Variants in TMEM266 observed in about 807,000 individuals in gnomAD.
The protein encoded by TMEM266 is transmembrane protein 266.
A neutral mutation model predicts 50.5 loss-of-function variants in TMEM266; 33 were observed. The observed-to-expected ratio is 0.65, with a 90% CI of 0.50 to 0.87. The LOEUF (loss-of-function observed/expected upper bound fraction) is 0.87. Ranked by LOEUF, TMEM266 falls within the 40% of genes least tolerant of loss-of-function variation. TMEM266 has a pLI of 0.00. For synonymous variants in TMEM266, 310 were observed against 292.3 expected (o/e 1.06, Z -0.62); for missense variants, 655 against 695.1 (o/e 0.94, Z 0.65).
At chr15:76,134,655 AT>A (rs2037563413) in intron 2 of TMEM266, among the ~76,000 whole-genome samples, 2 of 152,172 alleles carry the variant, frequency 1.3e-5, no homozygotes, top group South Asian at 4.1e-4. Flanking sequence ...GTGGTCACTT[AT>A]TTTGTGTTTT....
chr15:76,202,336 C>T (rs930165004), intron 10 of TMEM266, 72 bp downstream of exon 10: 1 of 1,412,084 alleles, frequency 7.1e-7, no homozygotes, highest in Admixed American at 1.9e-5. Context: ...ACAACTCGGC[C>T]TGGCTTCAAA....
intron 3 of TMEM266, among the ~76,000 whole-genome samples, chr15:76,145,325 G>A (rs540137787): frequency 1.6e-4 from 24 of 152,092 alleles, no homozygotes; most frequent in Non-Finnish European, 2.6e-4. Flanking sequence ...TTCCTGCTGC[G>A]ACAGGAACCA....
intron 9 of TMEM266, among the ~76,000 whole-genome samples, chr15:76,193,326 T>G (rs1437200022): frequency 6.6e-6 from 1 of 152,130 alleles, no homozygotes; most frequent in East Asian, 1.9e-4. Context: ...GCTCAAGTGA[T>G]CCTCCCACCT....
At chr15:76,079,657 G>A (rs1457913051) in intron 1 of TMEM266, among the ~76,000 whole-genome samples, 3 of 147,828 alleles carry the variant, frequency 2.0e-5, no homozygotes, top group East Asian at 2.0e-4. Context: ...GCTTGGTGGT[G>A]TGTGCCTGTA....
At chr15:76,182,081 G>A (rs1424177305) in intron 8 of TMEM266, among the ~76,000 whole-genome samples, 3 of 152,208 alleles carry the variant, frequency 2.0e-5, no homozygotes, top group African/African-American at 7.2e-5. Context: ...AGTGGGACCT[G>A]TGAGCCCCTT....
chr15:76,110,584 A>G (rs116272960), intron 1 of TMEM266, among the ~76,000 whole-genome samples: 3,098 of 152,296 alleles, frequency 0.02, 102 homozygotes, highest in African/African-American at 0.072. Context: ...GCCCATAGAC[A>G]TGGACTGCCA....
intron 9 of TMEM266, among the ~76,000 whole-genome samples, chr15:76,200,053 C>T (rs984312622): frequency 1.3e-5 from 2 of 152,128 alleles, no homozygotes; most frequent in Non-Finnish European, 2.9e-5. Flanking sequence ...CAGGAGTTGA[C>T]GTCCCTGGAA....
rs111779333 is a variant in TMEM266 at position 76,130,698 on chromosome 15, C to A, written c.-96-3470C>A. On this transcript the variant is annotated intron_variant, in intron 1 of 10. Transcript: ENST00000388942. ...AACAGTCATGAGTGGTGGAGACAGG[C>A]AGGGATACAGAGAAAAGATTGCCCA... 7.4e-3 allele frequency among the ~76,000 whole-genome samples: 1,126 copies of A among 152,290 alleles called. 11 individuals are homozygous for A. Among genetic ancestry groups the A allele is most frequent in the African/African-American group, 0.026 (1,086 of 41,538 alleles).
chr15:76,087,669 A>G (rs1452094386), intron 1 of TMEM266, among the ~76,000 whole-genome samples: 1 of 152,148 alleles, frequency 6.6e-6, no homozygotes, highest in Non-Finnish European at 1.5e-5. Context: ...AGAGCTAAAA[A>G]CAGAACCCTG....
At chr15:76,195,034 C>T (rs2038634306) in intron 9 of TMEM266, among the ~76,000 whole-genome samples, 1 of 152,192 alleles carries the variant, frequency 6.6e-6, no homozygotes, top group Admixed American at 6.5e-5. Context: ...AATGGAACAA[C>T]CTTTAGTTCT....
intron 1 of TMEM266, among the ~76,000 whole-genome samples, chr15:76,061,668 A>G (rs1416021934): frequency 3.9e-5 from 6 of 152,208 alleles, no homozygotes; most frequent in South Asian, 2.1e-4. Flanking sequence ...AAACCTATAA[A>G]AAGTGGGGTC....
intron 9 of TMEM266, among the ~76,000 whole-genome samples, chr15:76,196,713 G>A (rs1006996080): frequency 2.6e-5 from 4 of 152,118 alleles, no homozygotes; most frequent in African/African-American, 9.7e-5. Flanking sequence ...CAGGGTGGGG[G>A]AGGGCAGCCC....
chr15:76,160,138 C>A lies in TMEM266; in HGVS notation c.426C>A (p.Ser142Arg). 6.2e-7 allele frequency: 1 copy of A among 1,614,198 alleles called. No homozygotes were observed. Among genetic ancestry groups the A allele is most frequent in the Non-Finnish European group, 8.5e-7 (1 of 1,180,022 alleles). Residue 142 changes from serine (S) to arginine (R), a missense_variant, in exon 5 of 11, where the codon AGC (serine) becomes AGA (arginine). Physicochemically the swap from Ser to Arg is moderately radical, Grantham distance 110. Coordinates refer to ENST00000388942, the MANE Select transcript of TMEM266 (RefSeq NM_152335.3). This position sits in a 1 kb window ranked among gnomAD's most constrained non-coding sequence, Gnocchi z 5.7. ...TTGCTGGCGTGATTCACTGGATCAG[C>A]CTGGTCATTCTGTCCGTGTTCTTCT... is the stretch of plus-strand genomic sequence containing the variant.
intron 1 of TMEM266, among the ~76,000 whole-genome samples, chr15:76,084,720 C>T (rs555363041): frequency 6.6e-6 from 1 of 151,768 alleles, no homozygotes; most frequent in Non-Finnish European, 1.5e-5. Flanking sequence ...TCTGCCTCAA[C>T]CTCCCGAGTA....
chr15:76,137,447 C>T (rs1393857527), intron 2 of TMEM266, among the ~76,000 whole-genome samples: 1 of 152,124 alleles, frequency 6.6e-6, no homozygotes, highest in East Asian at 1.9e-4. Flanking sequence ...GACTCTGCCC[C>T]ACTAAAGCTC....
chr15:76,155,897 A>G (rs1378027322), intron 3 of TMEM266, among the ~76,000 whole-genome samples: 1 of 152,246 alleles, frequency 6.6e-6, no homozygotes, highest in African/African-American at 2.4e-5. Flanking sequence ...CTCAAATGCC[A>G]GAGCCCATGT....
chr15:76,116,767 T>C (rs904375223), intron 1 of TMEM266, among the ~76,000 whole-genome samples: 1 of 152,196 alleles, frequency 6.6e-6, no homozygotes, highest in Non-Finnish European at 1.5e-5. Flanking sequence ...TATGTCATCC[T>C]GTAACCTGCT....
At chr15:76,156,784 C>G (rs373256598) in intron 4 of TMEM266, 26 bp downstream of exon 4, 1 of 1,604,224 alleles carries the variant, frequency 6.2e-7, no homozygotes, top group African/African-American at 1.3e-5. Flanking sequence ...GATACATATG[C>G]CAATACATAT....
rs766271721 is a variant in TMEM266, at chr15:76,203,958, T to C, written c.1239T>C (p.Thr413=). 1 of 1,612,612 alleles carries C rather than the reference T, an allele frequency of 6.2e-7. No homozygotes were observed. The highest frequency in any genetic ancestry group is 1.3e-5 in the African/African-American group (1 of 74,906). The change falls in exon 11 of 11, where the codon ACT becomes ACC. Residue 413 remains threonine, a synonymous_variant. Transcript: ENST00000388942. ...TGGGCTCCTCCATGGACTGCAGCACTGCCCGCGAGGAGCCGTCCTCTGAGC... is the reference window on the plus strand; with the variant it reads ...TGGGCTCCTCCATGGACTGCAGCACCGCCCGCGAGGAGCCGTCCTCTGAGC...
Sources: allele counts gnomAD v4.1 joint callset (sites outside exome capture counted in the v4.1 genomes callset), GRCh38; gene constraint gnomAD v4.1.1; non-coding constraint Gnocchi (gnomAD v3.1); transcripts MANE v1.5; gene names NCBI Gene and HGNC (gene_info 2026-07-23, HGNC 2026-07-21).